The following PRORP variants were observed in gnomAD, a reference collection of about 807,000 sequenced individuals.
PRORP encodes the protein protein only RNase P catalytic subunit.
PRORP carries 51 observed loss-of-function variants against 59.4 expected under a neutral mutation model. The observed-to-expected ratio is 0.86, with a 90% confidence interval of 0.69 to 1.08. PRORP has a LOEUF of 1.08. PRORP is among the 50% of genes least tolerant of loss of function. The pLI is 0.00. For missense variants in PRORP, 646 were observed against 690.3 expected (o/e 0.94, Z 0.72); for synonymous variants, 231 against 245.6 (o/e 0.94, Z 0.55).
chr14:35,144,783 C>T (rs2047564871), intron 4 of PRORP, among the ~76,000 whole-genome samples: 1 of 145,714 alleles, frequency 6.9e-6, no homozygotes, highest in East Asian at 2.3e-4. Flanking sequence ...TGGGGATACC[C>T]AGCAGTCCTT....
chr14:35,187,772 A>C (rs1228618786), intron 5 of PRORP, among the ~76,000 whole-genome samples: 1 of 151,702 alleles, frequency 6.6e-6, no homozygotes, highest in Non-Finnish European at 1.5e-5. Context: ...ATGATGCATG[A>C]TGTTGAATAT....
chr14:35,175,618 T>TA (rs1489996577), intron 4 of PRORP, among the ~76,000 whole-genome samples: 1 of 151,994 alleles, frequency 6.6e-6, no homozygotes, highest in Non-Finnish European at 1.5e-5. Flanking sequence ...TTGTTAGAGT[T>TA]CTTTGTAGAT....
intron 5 of PRORP, among the ~76,000 whole-genome samples, chr14:35,199,900 C>G (rs1266487938): frequency 6.6e-6 from 1 of 152,106 alleles, no homozygotes; most frequent in Non-Finnish European, 1.5e-5. Flanking sequence ...TATAATAGGT[C>G]TCTCTTTCTC....
intron 4 of PRORP, among the ~76,000 whole-genome samples, chr14:35,152,043 A>C (rs1041190073): frequency 9.2e-5 from 14 of 151,916 alleles, no homozygotes; most frequent in African/African-American, 3.4e-4. Flanking sequence ...ACAAGTGAAC[A>C]AAGGTCTCCG....
chr14:35,186,067 A>C (rs1191477759), intron 5 of PRORP, among the ~76,000 whole-genome samples: 1 of 152,128 alleles, frequency 6.6e-6, no homozygotes, highest in Non-Finnish European at 1.5e-5. Flanking sequence ...TGGGGACTAT[A>C]AAGTCCCTGG....
intron 5 of PRORP, among the ~76,000 whole-genome samples, chr14:35,256,967 G>A (rs1473030278): frequency 1.3e-5 from 2 of 150,634 alleles, no homozygotes; most frequent in Admixed American, 6.6e-5. Context: ...CCTCCTCCTA[G>A]GTTCAAGCGA....
At chr14:35,121,868 G>GCCATCCCAACGGGCTGC, upstream of PRORP, 1 of 1,612,996 alleles carries the variant, frequency 6.2e-7, no homozygotes, top group South Asian at 1.1e-5. Context: ...TTAGGGCCGG[G>GCCATCCCAACGGGCTGC]CCATCCCAAC....
At chr14:35,145,590 T>C (rs2047584415) in intron 4 of PRORP, among the ~76,000 whole-genome samples, 2 of 140,182 alleles carry the variant, frequency 1.4e-5, no homozygotes, top group Admixed American at 1.5e-4. Context: ...CATGGTGGCA[T>C]GCGTCTGTAG....
intron 4 of PRORP, among the ~76,000 whole-genome samples, chr14:35,154,761 A>C (rs978847034): frequency 6.6e-6 from 1 of 152,160 alleles, no homozygotes; most frequent in Non-Finnish European, 1.5e-5. Context: ...AGATAAAGCA[A>C]CCATTTGCAG....
Position 35,123,932 on chromosome 14 carries a change from A to G in PRORP, c.687A>G (p.Ala229=), listed in dbSNP as rs1595148998. The stretch of plus-strand genomic sequence containing the variant: ...TCCATTCAGACAGATGGAGAGAAGC[A>G]TTGTTGCTGTTAGAGGACATCAAAA... ...GLIHSDRWRE[A]LLLLEDIKKV... The change falls in exon 2 of 8, where the codon GCA becomes GCG. Residue 229 remains alanine, a synonymous_variant. Coordinates refer to ENST00000534898, the MANE Select transcript of PRORP (RefSeq NM_014672.4). 1 of 1,614,176 alleles carries G rather than the reference A, an allele frequency of 6.2e-7. No individual in the cohort carries two copies. The highest frequency in any genetic ancestry group is 1.6e-4 in the Middle Eastern group (1 of 6,062).
chr14:35,194,605 C>G (rs1166904247), intron 5 of PRORP, among the ~76,000 whole-genome samples: 1 of 152,102 alleles, frequency 6.6e-6, no homozygotes, highest in Non-Finnish European at 1.5e-5. Context: ...GTGGGTGCAG[C>G]AAACCACCAT....
At chr14:35,152,593 C>T (rs185566196) in intron 4 of PRORP, among the ~76,000 whole-genome samples, 2,344 of 151,406 alleles carry the variant, frequency 0.015, 32 homozygotes, top group African/African-American at 0.034. Flanking sequence ...GGCGGCTGGC[C>T]GGGCGGGGGC....
chr14:35,270,303 G>C (rs933497616), intron 6 of PRORP, 98 bp from the exon 7 acceptor site: 2 of 1,146,994 alleles, frequency 1.7e-6, no homozygotes, highest in African/African-American at 3.1e-5. Context: ...AGAAATCAGA[G>C]GCACCTCCAA....
intron 5 of PRORP, among the ~76,000 whole-genome samples, chr14:35,220,486 T>C (rs188263904): frequency 5.3e-5 from 8 of 152,274 alleles, no homozygotes; most frequent in African/African-American, 1.7e-4. Context: ...CACGGCATTA[T>C]AGGAGGTGTA....
At chr14:35,216,759 C>T (rs546381779) in intron 5 of PRORP, among the ~76,000 whole-genome samples, 2 of 152,306 alleles carry the variant, frequency 1.3e-5, no homozygotes, top group Admixed American at 1.3e-4. Flanking sequence ...TCTACATTCT[C>T]ACCAGCAGTA....
rs1278870035 is a variant in PRORP at position 35,124,235 on chromosome 14, A to G, written c.986+4A>G. 4.0e-6 allele frequency: 6 copies of G among 1,515,056 alleles called. No individual in the cohort carries two copies. The highest frequency in any genetic ancestry group is 5.3e-6 in the Non-Finnish European group (6 of 1,135,652). The allele number at this position is 1,515,056 out of a possible 1,614,324, so 93.9% of individuals were successfully genotyped here. A position where few individuals can be genotyped will look rare whatever the true frequency, so the allele number is the denominator to read the frequency against. Reference sequence around the variant, plus strand: ...GTATAAAAACATGGTTTGAGAGGTAATTTTGGTTTTTTTATATGTATGTTT... The same window carrying G: ...GTATAAAAACATGGTTTGAGAGGTAGTTTTGGTTTTTTTATATGTATGTTT... On this transcript the variant is annotated splice_donor_region_variant and intron_variant, in intron 2 of 7. Coordinates refer to ENST00000534898, the MANE Select transcript of PRORP (RefSeq NM_014672.4).
chr14:35,143,289 G>A (rs1006953104), intron 4 of PRORP, among the ~76,000 whole-genome samples: 1 of 143,686 alleles, frequency 7.0e-6, no homozygotes, highest in Non-Finnish European at 1.5e-5. Flanking sequence ...CCTCCCCCGA[G>A]TAGCTGGGAT....
At chr14:35,158,393 C>A in intron 4 of PRORP, 1 of 308,774 alleles carries the variant, frequency 3.2e-6, no homozygotes, top group South Asian at 4.6e-5. Flanking sequence ...CTGCCTTCCC[C>A]TAACCCTTTT....
chr14:35,270,623 A>G (rs1438075501), intron 7 of PRORP, 27 bp downstream of exon 7: 2 of 1,582,678 alleles, frequency 1.3e-6, no homozygotes, highest in Admixed American at 1.7e-5. Flanking sequence ...TTTATGTAAT[A>G]TTAACAGAGT....
Sources: allele counts gnomAD v4.1 joint callset (sites outside exome capture counted in the v4.1 genomes callset), GRCh38; gene constraint gnomAD v4.1.1; transcripts MANE v1.5; gene names NCBI Gene and HGNC (gene_info 2026-07-23, HGNC 2026-07-21).